HECW2: variants seen among roughly 807,000 people sequenced by gnomAD.
HECW2 encodes E3 ubiquitin-protein ligase HECW2.
Under a neutral mutation model 175.2 loss-of-function variants are expected in HECW2, and 61 were observed. The observed-to-expected ratio is 0.35, with a 90% CI of 0.28 to 0.43. The LOEUF is 0.43. HECW2 is among the 20% of genes least tolerant of loss of function. The probability of loss-of-function intolerance (pLI) is 1.00; values close to 1 mark genes in which losing one functional copy is unlikely to be tolerated. For missense variants in HECW2, 1,524 were observed against 2,000.5 expected (o/e 0.76, Z 4.54); for synonymous variants, 671 against 731.0 (o/e 0.92, Z 1.32).
chr2:196,197,465 C>T lies in HECW2; in HGVS notation c.*3812G>A, dbSNP rs540389943. 6.6e-6 allele frequency: 1 copy of T among 152,010 alleles called. No individual in the cohort carries two copies. Among genetic ancestry groups the T allele is most frequent in the Admixed American group, 6.6e-5 (1 of 15,234 alleles). The allele number at this position is 152,010 out of a possible 1,614,324, so 9.4% of individuals were successfully genotyped here. A position where few individuals can be genotyped will look rare whatever the true frequency, so the allele number is the denominator to read the frequency against. On this transcript the variant is annotated 3_prime_UTR_variant, in exon 29 of 29. Transcript: ENST00000644978. ...AATTAAATGACTATTCTGTATAAAT[C>T]CATCAAAAGCAATCACATTTTGCCT...
At chr2:196,357,280 G>A (rs1488468078) in intron 2 of HECW2, among the ~76,000 whole-genome samples, 1 of 149,684 alleles carries the variant, frequency 6.7e-6, no homozygotes, top group Non-Finnish European at 1.5e-5. Context: ...GCAAAAGGCT[G>A]TGACCCAATC....
intron 10 of HECW2, among the ~76,000 whole-genome samples, chr2:196,308,665 T>G (rs6434837): frequency 0.97 from 147,823 of 152,292 alleles, 71,907 homozygotes; most frequent in East Asian, 1. Context: ...TCAGAGCAAG[T>G]GCAATTTCTT....
intron 1 of HECW2, among the ~76,000 whole-genome samples, chr2:196,572,216 T>C (rs1362211432): frequency 6.6e-6 from 1 of 152,190 alleles, no homozygotes; most frequent in African/African-American, 2.4e-5. Flanking sequence ...AGGATTTCAC[T>C]GTGTTGCCTA....
chr2:196,228,024 G>T, intron 22 of HECW2, 78 bp downstream of exon 22: 1 of 1,319,910 alleles, frequency 7.6e-7, no homozygotes, highest in Non-Finnish European at 1.0e-6. Context: ...ATGTTTTAAT[G>T]TTTAAATGTG....
At chr2:196,257,776 T>C (rs1411199162) in intron 18 of HECW2, 47 bp downstream of exon 18, 4 of 1,286,746 alleles carry the variant, frequency 3.1e-6, no homozygotes, top group Non-Finnish European at 2.2e-6. Flanking sequence ...CCATGATATC[T>C]GATGACAAGA....
intron 1 of HECW2, among the ~76,000 whole-genome samples, chr2:196,534,694 T>A (rs958945913): frequency 1.3e-5 from 2 of 152,082 alleles, no homozygotes; most frequent in African/African-American, 4.8e-5. Context: ...TAAAAGTAGC[T>A]CCCAAGAACC....
chr2:196,237,319 T>C (rs1461776888), intron 21 of HECW2, among the ~76,000 whole-genome samples: 1 of 152,206 alleles, frequency 6.6e-6, no homozygotes, highest in Non-Finnish European at 1.5e-5. Context: ...GTATCCAATG[T>C]GTAGTCTTTT....
chr2:196,553,695 A>G (rs1689684488), intron 1 of HECW2, among the ~76,000 whole-genome samples: 1 of 152,240 alleles, frequency 6.6e-6, no homozygotes, highest in African/African-American at 2.4e-5. Flanking sequence ...GCGGAACAAC[A>G]GTCTGTAGAA....
At chr2:196,429,495 C>T (rs1474512387) in intron 2 of HECW2, among the ~76,000 whole-genome samples, 1 of 150,858 alleles carries the variant, frequency 6.6e-6, no homozygotes, top group Non-Finnish European at 1.5e-5. Flanking sequence ...TCTTATCTCC[C>T]ACCCTAAATC....
chr2:196,582,069 A>AAATAATAATAAT (rs572551572), intron 1 of HECW2, among the ~76,000 whole-genome samples: 25 of 150,338 alleles, frequency 1.7e-4, no homozygotes, highest in African/African-American at 6.2e-4. Context: ...CCATCTCGAA[A>AAATAATAATAAT]AATAATAATA....
chr2:196,539,797 T>C (rs182004123), intron 1 of HECW2, among the ~76,000 whole-genome samples: 54 of 152,300 alleles, frequency 3.5e-4, no homozygotes, highest in Non-Finnish European at 4.7e-4. Context: ...ATAGGTTCAA[T>C]AGCACAAAAG....
intron 14 of HECW2, among the ~76,000 whole-genome samples, chr2:196,286,483 A>G (rs1035260384): frequency 2.0e-5 from 3 of 151,352 alleles, no homozygotes; most frequent in African/African-American, 7.3e-5. Flanking sequence ...TTCCTTCAAG[A>G]TTCCATGAGT....
At chr2:196,464,546 C>A (rs1178862453) in intron 1 of HECW2, among the ~76,000 whole-genome samples, 7 of 152,128 alleles carry the variant, frequency 4.6e-5, no homozygotes, top group African/African-American at 1.7e-4. Flanking sequence ...CAAAGGAAAA[C>A]CTAAAGTATA....
rs139457939 is a variant in HECW2 at position 196,338,050 on chromosome 2, T to C, written c.401-3532A>G. Among the ~76,000 whole-genome samples the C allele has an allele frequency of 4.9e-3, 748 of 152,334 alleles. 2 individuals carry two copies. Among genetic ancestry groups the C allele is most frequent in the Non-Finnish European group, 6.5e-3 (443 of 68,022 alleles). The stretch of plus-strand genomic sequence containing the variant: ...ACTTACTAATTTTCATAAATACAAA[T>C]GAAGATGTCCCTCAGGGTAGCAGCA... On this transcript the variant is annotated intron_variant, in intron 3 of 28. Transcript: ENST00000644978.
chr2:196,343,509 T>C, intron 3 of HECW2, 148 bp downstream of exon 3: 1 of 585,484 alleles, frequency 1.7e-6, no homozygotes, highest in Non-Finnish European at 3.0e-6. Flanking sequence ...TACTGAGCAT[T>C]TTCTAAAACA....
intron 28 of HECW2, among the ~76,000 whole-genome samples, chr2:196,211,531 G>A (rs1244454478): frequency 1.3e-5 from 2 of 152,044 alleles, no homozygotes; most frequent in African/African-American, 4.8e-5. Context: ...GAGGAAAAAA[G>A]AGCCATGGAT....
chr2:196,494,887 T>C (rs967588979), intron 1 of HECW2, among the ~76,000 whole-genome samples: 6 of 152,154 alleles, frequency 3.9e-5, no homozygotes, highest in African/African-American at 7.2e-5. Context: ...GATTCTCTTA[T>C]TACAAATCCA....
At position 196,222,194 on chromosome 2, in the gene HECW2, T is replaced by A. The variant is rs530536903; in HGVS notation, c.4146+17A>T. On this transcript the variant is annotated intron_variant, in intron 24 of 28. Transcript: ENST00000644978. Reference sequence around the variant, plus strand: ...TCAGTTACCACACTTAGGCGCCAGGTGTGCAGATACACACACCTGCCCAAA... The same window carrying A: ...TCAGTTACCACACTTAGGCGCCAGGAGTGCAGATACACACACCTGCCCAAA... The A allele has an allele frequency of 1.9e-6, 3 of 1,610,580 alleles. No individual in the cohort carries two copies. The highest frequency in any genetic ancestry group is 2.2e-5 in the South Asian group (2 of 90,668).
At chr2:196,497,039 C>A (rs979720258) in intron 1 of HECW2, among the ~76,000 whole-genome samples, 80 of 152,182 alleles carry the variant, frequency 5.3e-4, no homozygotes, top group African/African-American at 1.9e-3. Flanking sequence ...AGTTAATAAT[C>A]TAGACCAAAT....
Sources: gnomAD v4.1 joint callset for allele counts (sites outside exome capture counted in the v4.1 genomes callset) on GRCh38, gnomAD v4.1.1 for gene constraint, MANE v1.5 for transcripts, NCBI Gene and HGNC (gene_info 2026-07-23, HGNC 2026-07-21) for gene names.